Variants in SCP2 observed in about 807,000 individuals in gnomAD.
The protein encoded by SCP2 is sterol carrier protein 2.
SCP2 carries 48 observed loss-of-function variants against 71.4 expected under a neutral mutation model. The ratio of observed to expected loss-of-function variants is 0.67; its 90% CI spans 0.53 to 0.86. SCP2 has a LOEUF of 0.86. Among genes scored for constraint, SCP2 ranks in the 40% least tolerant of loss-of-function variants. The pLI, the probability that SCP2 is intolerant of heterozygous loss-of-function variation, is 0.00. For synonymous variants in SCP2, 220 were observed against 218.1 expected (o/e 1.01, Z -0.08); for missense variants, 560 against 655.6 (o/e 0.85, Z 1.59).
chr1:53,049,607 G>A (rs1250921333), intron 15 of SCP2: 2 of 152,196 alleles, frequency 1.3e-5, no homozygotes, highest in African/African-American at 4.8e-5. Flanking sequence ...GAGAAAGGTG[G>A]CGAGTTTCTC....
intron 3 of SCP2, among the ~76,000 whole-genome samples, chr1:52,948,441 C>T (rs946988414): frequency 2.0e-5 from 3 of 151,880 alleles, no homozygotes; most frequent in African/African-American, 7.3e-5. Context: ...GTCAGGAGAT[C>T]GAGACCATCT....
intron 6 of SCP2, among the ~76,000 whole-genome samples, chr1:52,971,595 T>C (rs1657499741): frequency 6.6e-6 from 1 of 152,210 alleles, no homozygotes; most frequent in Non-Finnish European, 1.5e-5. Flanking sequence ...TGGGAAATTG[T>C]CCATTTTTAT....
intron 10 of SCP2, among the ~76,000 whole-genome samples, chr1:52,987,009 T>A (rs924460912): frequency 0.27 from 24,149 of 88,520 alleles, 1,767 homozygotes; most frequent in Admixed American, 0.31. Context: ...TATATATATT[T>A]TTTTTTTTTT....
intron 11 of SCP2, chr1:52,995,663 G>A (rs940548600): frequency 2.3e-5 from 16 of 692,760 alleles, no homozygotes; most frequent in Admixed American, 5.4e-5. Flanking sequence ...TTTGTGGATG[G>A]ATGTCCATGA....
In SCP2 at chr1:53,038,811, C is replaced by A. The variant is rs1011548691; in HGVS notation, c.1339-106C>A. ...TCATAAGGGACCTTGGGGACCGCTC[C>A]CTGGCCCGTATACTCATATCATGTA... is the stretch of plus-strand genomic sequence containing the variant. On this transcript the variant is annotated intron_variant, in intron 13 of 15. Coordinates refer to ENST00000371514, the MANE Select transcript of SCP2 (RefSeq NM_002979.5). The A allele has an allele frequency of 2.1e-5, 30 of 1,443,182 alleles. No homozygotes were observed. In the Middle Eastern group the frequency reaches 2.0e-3, roughly 94 times the overall value. The allele number at this position is 1,443,182 out of a possible 1,614,324, so 89.4% of individuals were successfully genotyped here.
intron 14 of SCP2, among the ~76,000 whole-genome samples, chr1:53,043,692 ATAT>A (rs1374001013): frequency 6.6e-6 from 1 of 152,214 alleles, no homozygotes; most frequent in Non-Finnish European, 1.5e-5. Flanking sequence ...ATAAATGCTG[ATAT>A]TATAGCAGCA....
intron 11 of SCP2, among the ~76,000 whole-genome samples, chr1:53,009,227 AT>A (rs1660830178): frequency 6.6e-6 from 1 of 152,218 alleles, no homozygotes; most frequent in Admixed American, 6.5e-5. Flanking sequence ...ATTCAGTGCC[AT>A]CCCCATCAAG....
At chr1:52,956,596 C>G (rs1655812576) in intron 5 of SCP2, among the ~76,000 whole-genome samples, 1 of 152,028 alleles carries the variant, frequency 6.6e-6, no homozygotes, top group African/African-American at 2.4e-5. Context: ...ATGAGCTCTT[C>G]CTAGATGTCA....
At chr1:53,040,056 A>G (rs1663310483) in intron 14 of SCP2, among the ~76,000 whole-genome samples, 1 of 152,004 alleles carries the variant, frequency 6.6e-6, no homozygotes, top group African/African-American at 2.4e-5. Context: ...CTTATACTCC[A>G]CAGTTTAACC....
At chr1:53,011,853 G>A (rs116438986) in intron 11 of SCP2, among the ~76,000 whole-genome samples, 2,804 of 152,272 alleles carry the variant, frequency 0.018, 87 homozygotes, top group African/African-American at 0.064. Context: ...AGGAAAAACA[G>A]CTTGCTTTTT....
In SCP2 at chr1:53,015,053, A is replaced by G. The variant is rs770248422; in HGVS notation, c.1235+10A>G. 4.3e-6 allele frequency: 7 copies of G among 1,613,574 alleles called. No individual in the cohort carries two copies. In the Admixed American group the frequency reaches 1.0e-4, roughly 23 times the overall value. On this transcript the variant is annotated intron_variant, in intron 12 of 15. Coordinates refer to ENST00000371514, the MANE Select transcript of SCP2 (RefSeq NM_002979.5). ...TTCCGGAAGCCGCCAGGTGAGTGAC[A>G]TTCAGAGTTTTGTGTGTCAGTTAAT... is the stretch of plus-strand genomic sequence containing the variant.
At chr1:52,975,080 G>A (rs978433811) in intron 7 of SCP2, among the ~76,000 whole-genome samples, 2 of 151,806 alleles carry the variant, frequency 1.3e-5, no homozygotes, top group Non-Finnish European at 2.9e-5. Context: ...ACAGAGCCTC[G>A]CTGTGTCATC....
At chr1:52,998,861 A>T (rs919643464) in intron 11 of SCP2, among the ~76,000 whole-genome samples, 2 of 152,122 alleles carry the variant, frequency 1.3e-5, no homozygotes, top group African/African-American at 4.8e-5. Context: ...TTGACAGGTC[A>T]TCTGTTTTTC....
intron 11 of SCP2, among the ~76,000 whole-genome samples, chr1:52,989,893 G>A (rs72670833): frequency 0.025 from 3,824 of 152,258 alleles, 81 homozygotes; most frequent in Admixed American, 0.037. Flanking sequence ...TTGTGTGCAT[G>A]CTCAGGAAAG....
At chr1:53,041,549 A>G (rs1050586782) in intron 14 of SCP2, among the ~76,000 whole-genome samples, 2 of 152,218 alleles carry the variant, frequency 1.3e-5, no homozygotes, top group African/African-American at 4.8e-5. Flanking sequence ...CTGGTACATT[A>G]GACCTGATGA....
At chr1:52,977,413 A>T (rs1176864452) in intron 8 of SCP2, among the ~76,000 whole-genome samples, 1 of 152,208 alleles carries the variant, frequency 6.6e-6, no homozygotes, top group Non-Finnish European at 1.5e-5. Flanking sequence ...CTTCCATCAC[A>T]GTTTGCTGTA....
chr1:52,949,926 C>A (rs1357838526), intron 3 of SCP2, among the ~76,000 whole-genome samples: 1 of 152,096 alleles, frequency 6.6e-6, no homozygotes, highest in African/African-American at 2.4e-5. Context: ...GGAGGAAAGT[C>A]TTTGAAGAGG....
intron 12 of SCP2, among the ~76,000 whole-genome samples, chr1:53,019,138 C>T (rs970393770): frequency 3.3e-5 from 5 of 152,124 alleles, no homozygotes; most frequent in African/African-American, 1.2e-4. Flanking sequence ...GGTTGTTTAA[C>T]CCATATTGGT....
At position 52,940,547 on chromosome 1, in the gene SCP2, CT is replaced by C. The variant is rs551745458; in HGVS notation, c.70-1248del. 801 of 154,464 alleles carry C rather than the reference CT, an allele frequency of 5.2e-3. 4 individuals carry two copies. The highest frequency in any genetic ancestry group is 0.018 in the African/African-American group (753 of 41,628). 9.6% of individuals were successfully genotyped at this position (154,464 alleles called of 1,614,324 possible). ...TCCATTACTTATTAGCTCTATGCCC[CT>C]GGGTTAGTTGTTTATCTCTCTGTGT... On this transcript the variant is annotated intron_variant, in intron 1 of 15. Coordinates refer to ENST00000371514, the MANE Select transcript of SCP2 (RefSeq NM_002979.5).
Sources: allele counts gnomAD v4.1 joint callset (sites outside exome capture counted in the v4.1 genomes callset), GRCh38; gene constraint gnomAD v4.1.1; transcripts MANE v1.5; gene names NCBI Gene and HGNC (gene_info 2026-07-23, HGNC 2026-07-21).